The following PARP15 variants were observed in gnomAD, a reference collection of about 807,000 sequenced individuals.
PARP15 encodes the protein protein mono-ADP-ribosyltransferase PARP15.
A neutral mutation model predicts 62.1 loss-of-function variants in PARP15; 50 were observed. The ratio of observed to expected loss-of-function variants is 0.81; its 90% CI spans 0.64 to 1.02. The LOEUF is 1.02. Ranked by LOEUF, PARP15 falls within the 50% of genes least tolerant of loss-of-function variation. The pLI is 0.00. For missense variants in PARP15, 820 were observed against 826.5 expected, an observed-to-expected ratio of 0.99 and a Z score of 0.10; for synonymous variants, 309 against 293.1, an observed-to-expected ratio of 1.05 and a Z score of -0.55.
chr3:122,632,310 A>C, intron 10 of PARP15, 91 bp downstream of exon 10: 3 of 1,225,608 alleles, frequency 2.4e-6, no homozygotes, highest in Non-Finnish European at 2.3e-6. Context: ...CTTCCTTTGT[A>C]CCTTACTATG....
intron 8 of PARP15, among the ~76,000 whole-genome samples, chr3:122,624,445 G>T (rs999189101): frequency 6.6e-6 from 1 of 152,146 alleles, no homozygotes; most frequent in Non-Finnish European, 1.5e-5. Flanking sequence ...CTGCTCTGGG[G>T]AAACTGGGAG....
rs1370932556 is a variant in PARP15, at chr3:122,638,168, A to G, written c.*2068A>G. On this transcript the variant is annotated 3_prime_UTR_variant, in exon 12 of 12. Transcript: ENST00000464300. ...GGCTGCATAGTATTCCATGGTGTAT[A>G]TGTGCCACATTTTCTTAATCCAGTC... 1 of 152,038 alleles carries G rather than the reference A, an allele frequency of 6.6e-6. No homozygotes were observed. The highest frequency in any genetic ancestry group is 1.5e-5 in the Non-Finnish European group (1 of 67,996). The allele number at this position is 152,038 out of a possible 1,614,324, so 9.4% of individuals were successfully genotyped here. A position where few individuals can be genotyped will look rare whatever the true frequency, so the allele number is the denominator to read the frequency against.
chr3:122,577,725 A>G lies in PARP15; in HGVS notation c.58A>G (p.Arg20Gly), dbSNP rs1441608965. 4.5e-6 allele frequency: 7 copies of G among 1,551,592 alleles called. No individual in the cohort carries two copies. Among genetic ancestry groups the G allele is most frequent in the Admixed American group, 3.9e-5 (2 of 50,996 alleles). ...TCTGAGTCCAGGGGCTCCGACCCCC[A>G]GAGAACTTATGCACGGAGTTGCAGG... ...AALSPGAPTPRELMHGVAGVT... is the reference protein window; with the variant it reads ...AALSPGAPTPGELMHGVAGVT... The change falls in exon 1 of 12, where the codon AGA (arginine) becomes GGA (glycine). Residue 20 changes from arginine (R) to glycine (G), a missense_variant. Coordinates refer to ENST00000464300, the MANE Select transcript of PARP15 (RefSeq NM_001113523.3).
intron 1 of PARP15, among the ~76,000 whole-genome samples, chr3:122,578,742 A>G (rs1339364104): frequency 6.6e-6 from 1 of 152,188 alleles, no homozygotes; most frequent in African/African-American, 2.4e-5. Context: ...TTTAAAAAAA[A>G]AAAAGAAAAG....
At position 122,636,306 on chromosome 3, in the gene PARP15, T is replaced by C. The variant is rs1937369358; in HGVS notation, c.*206T>C. 1 of 560,124 alleles carries C rather than the reference T, an allele frequency of 1.8e-6. No individual in the cohort carries two copies. The highest frequency in any genetic ancestry group is 2.3e-5 in the South Asian group (1 of 43,074). 34.7% of individuals were successfully genotyped at this position (560,124 alleles called of 1,614,324 possible). ...AAATTGATGGGTGGAAGCTGAGAAATGTATGGTAAATGTCACAGAGCTACA... is the reference window on the plus strand; with the variant it reads ...AAATTGATGGGTGGAAGCTGAGAAACGTATGGTAAATGTCACAGAGCTACA... On this transcript the variant is annotated 3_prime_UTR_variant, in exon 12 of 12. Coordinates refer to ENST00000464300, the MANE Select transcript of PARP15 (RefSeq NM_001113523.3).
At chr3:122,631,552 A>G (rs935007660) in intron 9 of PARP15, among the ~76,000 whole-genome samples, 13 of 152,234 alleles carry the variant, frequency 8.5e-5, no homozygotes, top group African/African-American at 2.9e-4. Context: ...CACTGAAAAC[A>G]AAGGAAACCC....
At position 122,597,782 on chromosome 3, in the gene PARP15, C is replaced by T. The variant is rs185707013; in HGVS notation, c.187-8154C>T. On this transcript the variant is annotated intron_variant, in intron 1 of 11. Coordinates refer to ENST00000464300, the MANE Select transcript of PARP15 (RefSeq NM_001113523.3). Reference sequence around the variant, plus strand: ...ATACACAGAGTTGTTCCTCAGTATCCACAGGGGATAGATTCTTGGACCCCA... The same window carrying T: ...ATACACAGAGTTGTTCCTCAGTATCTACAGGGGATAGATTCTTGGACCCCA... Among the ~76,000 whole-genome samples the T allele has an allele frequency of 2.6e-5, 4 of 152,014 alleles. No homozygotes were observed. In the East Asian group the frequency reaches 7.7e-4, roughly 29 times the overall value.
chr3:122,606,889 C>T (rs1935194077), intron 2 of PARP15, among the ~76,000 whole-genome samples: 3 of 152,176 alleles, frequency 2.0e-5, no homozygotes, highest in African/African-American at 7.2e-5. Context: ...AGAAAGAGAA[C>T]TCTGCTGAGA....
intron 1 of PARP15, among the ~76,000 whole-genome samples, chr3:122,578,825 A>C (rs949335935): frequency 6.6e-6 from 1 of 152,140 alleles, no homozygotes; most frequent in Non-Finnish European, 1.5e-5. Flanking sequence ...GGTGGTGTTG[A>C]CATGGTCTAA....
intron 1 of PARP15, among the ~76,000 whole-genome samples, chr3:122,599,087 G>A (rs555283407): frequency 6.6e-6 from 1 of 152,276 alleles, no homozygotes; most frequent in East Asian, 1.9e-4. Flanking sequence ...AGTAGAGACA[G>A]GGTTTCACCA....
At chr3:122,579,612 A>G (rs1416285049) in intron 1 of PARP15, among the ~76,000 whole-genome samples, 1 of 152,114 alleles carries the variant, frequency 6.6e-6, no homozygotes, top group Non-Finnish European at 1.5e-5. Context: ...CTAATTTGCT[A>G]CTGCTTTCTA....
intron 1 of PARP15, chr3:122,594,547 G>T: frequency 1.0e-6 from 1 of 983,154 alleles, no homozygotes; most frequent in Non-Finnish European, 1.2e-6. Flanking sequence ...GTGTATTCAG[G>T]GTAGGCAACG....
At chr3:122,616,936 G>A in intron 5 of PARP15, 79 bp from the exon 6 acceptor site, 1 of 1,479,246 alleles carries the variant, frequency 6.8e-7, no homozygotes, top group Admixed American at 2.0e-5. Context: ...GAGCTGGGAA[G>A]AGAATAGGGC....
In PARP15 at chr3:122,632,237, T is replaced by A; in HGVS notation, c.1572+18T>A. ...TAGAGAAGGTAATACTGTGTTAAAA[T>A]TTACTGTTCAAAAATGTTGATGAAC... On this transcript the variant is annotated intron_variant, in intron 10 of 11. Coordinates refer to ENST00000464300, the MANE Select transcript of PARP15 (RefSeq NM_001113523.3). 1 of 1,606,410 alleles carries A rather than the reference T, an allele frequency of 6.2e-7. No individual in the cohort carries two copies. The highest frequency in any genetic ancestry group is 8.5e-7 in the Non-Finnish European group (1 of 1,176,828).
chr3:122,629,202 G>A (rs1324632107), intron 9 of PARP15, among the ~76,000 whole-genome samples: 1 of 152,078 alleles, frequency 6.6e-6, no homozygotes, highest in African/African-American at 2.4e-5. Flanking sequence ...TCACTATGTT[G>A]CCCAGGCTGG....
chr3:122,592,101 A>G (rs1933973112), intron 1 of PARP15, among the ~76,000 whole-genome samples: 1 of 152,242 alleles, frequency 6.6e-6, no homozygotes, highest in African/African-American at 2.4e-5. Context: ...TATGTATCCA[A>G]AGGAATATAA....
intron 7 of PARP15, 69 bp downstream of exon 7, chr3:122,619,912 TAC>T: frequency 7.1e-7 from 1 of 1,402,708 alleles, no homozygotes; most frequent in Non-Finnish European, 1.0e-6. Context: ...TGAGAGGATG[TAC>T]AGGAGGACTG....
In PARP15 at chr3:122,626,846, T is replaced by TATCACAGTTGCTG. The variant is rs761613667; in HGVS notation, c.1254_1266dup (p.Asn423HisfsTer4). ...TTTCAGGAAATGCCGGAAAAAACCC[T>TATCACAGTTGCTG]ATCACAGTTGCTGATAACATAATCG... is the stretch of plus-strand genomic sequence containing the variant. On this transcript the variant is annotated frameshift_variant, in exon 9 of 12. Coordinates refer to ENST00000464300, the MANE Select transcript of PARP15 (RefSeq NM_001113523.3). LOFTEE classifies it high-confidence loss of function. 27 of 1,611,022 alleles carry TATCACAGTTGCTG rather than the reference T, an allele frequency of 1.7e-5. No individual in the cohort carries two copies. Among genetic ancestry groups the TATCACAGTTGCTG allele is most frequent in the Non-Finnish European group, 2.3e-5 (27 of 1,179,304 alleles).
chr3:122,631,837 G>A (rs1280212221), intron 9 of PARP15, among the ~76,000 whole-genome samples: 3 of 152,194 alleles, frequency 2.0e-5, no homozygotes, highest in Admixed American at 6.5e-5. Flanking sequence ...TCAAGCTACA[G>A]TGGATCTAAG....
Sources: gnomAD v4.1 joint callset for allele counts (sites outside exome capture counted in the v4.1 genomes callset) on GRCh38, gnomAD v4.1.1 for gene constraint, MANE v1.5 for transcripts, NCBI Gene and HGNC (gene_info 2026-07-23, HGNC 2026-07-21) for gene names.